Variants in RASGEF1A observed in about 807,000 individuals in gnomAD.
The protein encoded by RASGEF1A is ras-GEF domain-containing family member 1A.
RASGEF1A carries 18 observed loss-of-function variants against 56.4 expected under a neutral mutation model. That is an observed-to-expected ratio of 0.32 (90% CI 0.22 to 0.47). The LOEUF (loss-of-function observed/expected upper bound fraction) is 0.47, where lower values mean the gene tolerates loss of function less well. RASGEF1A is among the 20% of genes least tolerant of loss of function. The probability of loss-of-function intolerance (pLI) is 1.00; values close to 1 mark genes in which losing one functional copy is unlikely to be tolerated. For missense variants in RASGEF1A, 422 were observed against 627.1 expected (o/e 0.67, Z 3.49); for synonymous variants, 245 against 242.6 (o/e 1.01, Z -0.09).
chr10:43,234,653 C>T (rs1840409034), intron 1 of RASGEF1A, among the ~76,000 whole-genome samples: 1 of 152,212 alleles, frequency 6.6e-6, no homozygotes, highest in South Asian at 2.1e-4. Flanking sequence ...CTGCTGATGC[C>T]ACCTCATTAC....
intron 1 of RASGEF1A, among the ~76,000 whole-genome samples, chr10:43,228,608 G>A (rs1026063545): frequency 3.9e-5 from 6 of 152,232 alleles, no homozygotes; most frequent in Non-Finnish European, 7.3e-5. Context: ...GTTGTGAGCT[G>A]AGGGACTTGG....
intron 1 of RASGEF1A, among the ~76,000 whole-genome samples, chr10:43,237,791 C>A (rs1482154880): frequency 6.6e-6 from 1 of 152,146 alleles, no homozygotes; most frequent in Non-Finnish European, 1.5e-5. Context: ...ATAGAAGTCC[C>A]AGGGACCATC....
intron 7 of RASGEF1A, 126 bp from the exon 8 acceptor site, chr10:43,199,320 C>T (rs902781663): frequency 2.7e-6 from 2 of 738,980 alleles, no homozygotes; most frequent in African/African-American, 3.5e-5. Context: ...GCGGGCTGAT[C>T]CAGGTCCATG....
intron 1 of RASGEF1A, among the ~76,000 whole-genome samples, chr10:43,231,896 G>A (rs922539231): frequency 5.3e-5 from 8 of 152,246 alleles, no homozygotes; most frequent in Admixed American, 2.0e-4. Context: ...AGCCAGGTGT[G>A]GTGGGGCCAG....
chr10:43,257,043 G>A (rs1836426982), intron 1 of RASGEF1A, among the ~76,000 whole-genome samples: 1 of 152,178 alleles, frequency 6.6e-6, no homozygotes, highest in South Asian at 2.1e-4. Flanking sequence ...TGCCTGGCGT[G>A]CATGGCCTGC....
chr10:43,221,636 C>T (rs1436605289), intron 1 of RASGEF1A, among the ~76,000 whole-genome samples: 2 of 152,252 alleles, frequency 1.3e-5, no homozygotes, highest in East Asian at 3.9e-4. Context: ...GGAGGAGCTG[C>T]CCCTGCTGCA....
At chr10:43,254,944 C>G (rs1564544216) in intron 1 of RASGEF1A, among the ~76,000 whole-genome samples, 1 of 152,080 alleles carries the variant, frequency 6.6e-6, no homozygotes, top group South Asian at 2.1e-4. Context: ...GGAGGCCCCT[C>G]TATCCCCGCA....
At chr10:43,256,528 G>A (rs1225782155) in intron 1 of RASGEF1A, among the ~76,000 whole-genome samples, 5 of 152,238 alleles carry the variant, frequency 3.3e-5, no homozygotes, top group South Asian at 4.1e-4. Context: ...GGTCAAATAC[G>A]CAGACCAGAG....
chr10:43,241,894 T>C (rs1332793664), intron 1 of RASGEF1A, among the ~76,000 whole-genome samples: 3 of 152,190 alleles, frequency 2.0e-5, no homozygotes, highest in Non-Finnish European at 4.4e-5. Flanking sequence ...TCCCAGCACT[T>C]TGGGAGGCTA....
intron 1 of RASGEF1A, among the ~76,000 whole-genome samples, chr10:43,234,750 T>G (rs957616492): frequency 6.6e-6 from 1 of 152,168 alleles, no homozygotes; most frequent in African/African-American, 2.4e-5. Flanking sequence ...GGGCATGAAG[T>G]GGGGCCCGAG....
At chr10:43,244,614 A>C (rs1840549878) in intron 1 of RASGEF1A, among the ~76,000 whole-genome samples, 1 of 151,332 alleles carries the variant, frequency 6.6e-6, no homozygotes, top group Admixed American at 6.6e-5. Context: ...CTGTGACCAC[A>C]ATAAAATAAC....
intron 1 of RASGEF1A, among the ~76,000 whole-genome samples, chr10:43,223,288 A>G (rs1840233096): frequency 6.6e-6 from 1 of 152,326 alleles, no homozygotes; most frequent in African/African-American, 2.4e-5. Context: ...CCCAAATAGA[A>G]GTGTGCAGGT....
intron 1 of RASGEF1A, among the ~76,000 whole-genome samples, chr10:43,232,485 CTTT>C (rs55766600): frequency 1.6e-5 from 2 of 123,682 alleles, no homozygotes; most frequent in African/African-American, 3.0e-5. Flanking sequence ...CAGTCTCCGG[CTTT>C]TTTTTTTTTT....
chr10:43,247,215 G>A (rs1244890832), intron 1 of RASGEF1A, among the ~76,000 whole-genome samples: 1 of 152,178 alleles, frequency 6.6e-6, no homozygotes, highest in Non-Finnish European at 1.5e-5. Context: ...AAACCACAAG[G>A]AGACACTATC....
At chr10:43,207,102 G>A (rs935425982) in intron 1 of RASGEF1A, 34 of 985,454 alleles carry the variant, frequency 3.5e-5, no homozygotes, top group African/African-American at 1.4e-4. Flanking sequence ...AGTGGGGACT[G>A]GACGATGCAG....
In RASGEF1A at chr10:43,266,931, A is replaced by T. The variant is rs1836636050; in HGVS notation, c.-93T>A. ...GCGCGGCCGGCGCCGGCGGCGGCTC[A>T]TGCTCGGCGCCCGGGCCCGCGGCAC... On this transcript the variant is annotated 5_prime_UTR_variant, in exon 1 of 13. An upstream start codon of the reference 5' UTR is lost. Transcript: ENST00000395810. 6.9e-6 allele frequency: 1 copy of T among 144,560 alleles called. No homozygotes were observed. Among genetic ancestry groups the T allele is most frequent in the Non-Finnish European group, 1.5e-5 (1 of 65,336 alleles). 9.0% of individuals were successfully genotyped at this position (144,560 alleles called of 1,614,324 possible).
intron 1 of RASGEF1A, among the ~76,000 whole-genome samples, chr10:43,263,539 G>A (rs902531714): frequency 2.6e-5 from 4 of 152,172 alleles, no homozygotes; most frequent in Non-Finnish European, 5.9e-5. Context: ...TAGAGTCCCA[G>A]CCCAGGCCTC....
intron 1 of RASGEF1A, chr10:43,207,472 A>G (rs767384955): frequency 2.8e-5 from 28 of 985,250 alleles, no homozygotes; most frequent in Non-Finnish European, 3.1e-5. Context: ...CCACCAGGGA[A>G]AAAAGAGCAT....
chr10:43,229,243 A>G (rs1213469957), intron 1 of RASGEF1A, among the ~76,000 whole-genome samples: 2 of 152,136 alleles, frequency 1.3e-5, no homozygotes, highest in African/African-American at 4.8e-5. Context: ...GCGCTTCCGC[A>G]GCCCTCCCCC....
Sources: allele counts gnomAD v4.1 joint callset (sites outside exome capture counted in the v4.1 genomes callset), GRCh38; gene constraint gnomAD v4.1.1; transcripts MANE v1.5; gene names NCBI Gene and HGNC (gene_info 2026-07-23, HGNC 2026-07-21).